Variants in RAD54B observed in about 807,000 individuals in gnomAD.
RAD54B encodes the protein RAD54 homolog B.
In RAD54B, 78 loss-of-function variants were observed where a neutral mutation model predicts 95.8. The observed-to-expected ratio is 0.81, with a 90% CI of 0.68 to 0.98. The LOEUF is 0.98. RAD54B is among the 50% of genes least tolerant of loss of function. The pLI, the probability that RAD54B is intolerant of heterozygous loss-of-function variation, is 0.00. For missense variants in RAD54B, 957 were observed against 1,056.6 expected (o/e 0.91, Z 1.31); for synonymous variants, 328 against 354.9 (o/e 0.92, Z 0.85).
intron 4 of RAD54B, among the ~76,000 whole-genome samples, chr8:94,410,492 G>A (rs2931633): frequency 0.38 from 57,841 of 152,010 alleles, 11,185 homozygotes; most frequent in Admixed American, 0.49. Flanking sequence ...AAATAAACAT[G>A]TAGAACAGAT....
At position 94,467,504 on chromosome 8, in the gene RAD54B, C is replaced by T. The variant is rs374958826; in HGVS notation, c.36G>A (p.Gly12=). 42 of 1,613,442 alleles carry T rather than the reference C, an allele frequency of 2.6e-5. No individual in the cohort carries two copies. Among genetic ancestry groups the T allele is most frequent in the African/African-American group, 6.7e-5 (5 of 74,896 alleles). Reference sequence around the variant, plus strand: ...TAAATTTTGGTTTTTTGAAGGAATTCCCCTGCAACTGACTTGGTGCTGCAG... The same window carrying T: ...TAAATTTTGGTTTTTTGAAGGAATTTCCCTGCAACTGACTTGGTGCTGCAG... ...RRSAAPSQLQ[G]NSFKKPKFIP... is the part of the protein sequence containing the mutation. Residue 12 remains glycine (G), a synonymous_variant, in exon 2 of 15, where the codon GGG becomes GGA. Coordinates refer to ENST00000336148, the MANE Select transcript of RAD54B (RefSeq NM_012415.3).
At position 94,434,669 on chromosome 8, in the gene RAD54B, TATCA is replaced by T. The variant is rs201936625; in HGVS notation, c.305-23358_305-23355del. Among the ~76,000 whole-genome samples, 764 of 151,574 alleles carry T rather than the reference TATCA, an allele frequency of 5.0e-3. 14 individuals carry two copies. Among genetic ancestry groups the T allele is most frequent in the East Asian group, 0.026 (136 of 5,178 alleles). On this transcript the variant is annotated intron_variant, in intron 3 of 14. Transcript: ENST00000336148. ...TGAGATTATTAAGATTCAAGGATGA[TATCA>T]ATCAAATAAATATAAGCACATTAAA...
chr8:94,471,272 G>C (rs1017601388), intron 1 of RAD54B, among the ~76,000 whole-genome samples: 9 of 149,276 alleles, frequency 6.0e-5, no homozygotes, highest in Non-Finnish European at 1.0e-4. Flanking sequence ...GGGTGGCGGG[G>C]GGGGGCAGTA....
chr8:94,437,551 A>C (rs529885781), intron 3 of RAD54B, among the ~76,000 whole-genome samples: 2 of 152,260 alleles, frequency 1.3e-5, no homozygotes, highest in East Asian at 3.9e-4. Context: ...GCCTCTGCAT[A>C]TTTTTTTCAC....
intron 3 of RAD54B, among the ~76,000 whole-genome samples, chr8:94,441,549 G>A (rs917593258): frequency 1.3e-5 from 2 of 152,100 alleles, no homozygotes; most frequent in Non-Finnish European, 2.9e-5. Flanking sequence ...CCCACCCCAG[G>A]CACAACCCCC....
At chr8:94,460,806 C>T (rs2919656) in intron 2 of RAD54B, among the ~76,000 whole-genome samples, 47,434 of 151,722 alleles carry the variant, frequency 0.31, 7,891 homozygotes, top group East Asian at 0.43. Flanking sequence ...TGGCTTAGCC[C>T]TCTTCCTCCA....
intron 10 of RAD54B, 130 bp from the exon 11 acceptor site, chr8:94,387,289 T>G: frequency 1.4e-6 from 1 of 703,284 alleles, no homozygotes; most frequent in Non-Finnish European, 2.3e-6. Context: ...AACTGTTAGG[T>G]AAATCTTTAT....
chr8:94,398,217 A>C (rs1473315324), intron 8 of RAD54B, among the ~76,000 whole-genome samples: 1 of 152,134 alleles, frequency 6.6e-6, no homozygotes, highest in African/African-American at 2.4e-5. Context: ...ATCGTGATTA[A>C]ATTCAAAAAA....
chr8:94,384,363 G>A (rs1470619401), intron 11 of RAD54B, among the ~76,000 whole-genome samples: 1 of 152,056 alleles, frequency 6.6e-6, no homozygotes, highest in Non-Finnish European at 1.5e-5. Flanking sequence ...GGATAAACCT[G>A]GAGGACATTA....
intron 2 of RAD54B, among the ~76,000 whole-genome samples, chr8:94,465,103 C>G (rs1382670690): frequency 7.8e-6 from 1 of 128,434 alleles, no homozygotes; most frequent in African/African-American, 2.9e-5. Context: ...GGACAAATAT[C>G]CAAACTCTAT....
intron 2 of RAD54B, among the ~76,000 whole-genome samples, chr8:94,462,735 C>T (rs1041161090): frequency 1.3e-5 from 2 of 152,184 alleles, no homozygotes; most frequent in African/African-American, 2.4e-5. Context: ...TCTCATGTTA[C>T]CTTGCTTAAA....
chr8:94,467,480 A>G lies in RAD54B; in HGVS notation c.60T>C (p.Phe20=). The change falls in exon 2 of 15, where the codon TTT becomes TTC. Residue 20 remains phenylalanine (F), a synonymous_variant. Coordinates refer to ENST00000336148, the MANE Select transcript of RAD54B (RefSeq NM_012415.3). ...LQGNSFKKPK[F]IPPGRSNPGL... ...CTGGATTACTTCTTCCTGGAGGTAT[A>G]AATTTTGGTTTTTTGAAGGAATTCC... 1 of 1,613,826 alleles carries G rather than the reference A, an allele frequency of 6.2e-7. No individual in the cohort carries two copies. Among genetic ancestry groups the G allele is most frequent in the African/African-American group, 1.3e-5 (1 of 75,034 alleles).
chr8:94,390,423 G>A (rs990453544), intron 10 of RAD54B, among the ~76,000 whole-genome samples: 9 of 151,058 alleles, frequency 6.0e-5, no homozygotes, highest in East Asian at 5.8e-4. Flanking sequence ...TCGCTTGAAC[G>A]TGGGAGGTGG....
At chr8:94,442,301 C>T (rs1046673476) in intron 3 of RAD54B, among the ~76,000 whole-genome samples, 48 of 152,166 alleles carry the variant, frequency 3.2e-4, no homozygotes, top group Admixed American at 2.2e-3. Flanking sequence ...AAGCTGGGCA[C>T]GGTGGCTCAC....
At chr8:94,413,827 C>CTTTTTTTTTTCTTTT (rs1811586238) in intron 3 of RAD54B, among the ~76,000 whole-genome samples, 1 of 139,164 alleles carries the variant, frequency 7.2e-6, no homozygotes, top group Non-Finnish European at 1.5e-5. Context: ...AATAATTATT[C>CTTTTTTTTTTCTTTT]TTTTTTTTTT....
At chr8:94,437,836 A>G (rs1812304721) in intron 3 of RAD54B, among the ~76,000 whole-genome samples, 1 of 152,234 alleles carries the variant, frequency 6.6e-6, no homozygotes. Flanking sequence ...GCCATTTTCA[A>G]GGCCACCAGT....
chr8:94,374,050 C>T (rs538041860), intron 14 of RAD54B, among the ~76,000 whole-genome samples: 30 of 152,160 alleles, frequency 2.0e-4, no homozygotes, highest in Admixed American at 5.2e-4. Context: ...GAGGCCAAGG[C>T]GGGCAGATCA....
intron 3 of RAD54B, among the ~76,000 whole-genome samples, chr8:94,452,657 C>T (rs1035216599): frequency 3.7e-4 from 57 of 152,162 alleles, no homozygotes; most frequent in African/African-American, 1.2e-3. Context: ...ACCACCACGC[C>T]CAGCTAATTT....
intron 3 of RAD54B, among the ~76,000 whole-genome samples, chr8:94,455,044 C>A (rs1335656612): frequency 2.0e-5 from 3 of 152,172 alleles, no homozygotes; most frequent in Non-Finnish European, 4.4e-5. Context: ...CTCTCTAGCC[C>A]CCTACCATTC....
Sources: allele counts gnomAD v4.1 joint callset (sites outside exome capture counted in the v4.1 genomes callset), GRCh38; gene constraint gnomAD v4.1.1; transcripts MANE v1.5; gene names NCBI Gene and HGNC (gene_info 2026-07-23, HGNC 2026-07-21).